Variants in LRBA observed in about 807,000 individuals in gnomAD.
LRBA encodes the protein lipopolysaccharide-responsive and beige-like anchor protein.
A neutral mutation model predicts 330.0 loss-of-function variants in LRBA; 176 were observed. The ratio of observed to expected loss-of-function variants is 0.53; its 90% CI spans 0.47 to 0.60. The LOEUF (loss-of-function observed/expected upper bound fraction) is 0.60, where lower values mean the gene tolerates loss of function less well. Among genes scored for constraint, LRBA ranks in the 20% least tolerant of loss-of-function variants. LRBA has a pLI of 0.00. For missense variants in LRBA, 3,259 were observed against 3,444.8 expected (o/e 0.95, Z 1.35); for synonymous variants, 1,230 against 1,193.0 (o/e 1.03, Z -0.64).
intron 2 of LRBA, among the ~76,000 whole-genome samples, chr4:150,972,969 T>C (rs1739737845): frequency 6.6e-6 from 1 of 152,094 alleles, no homozygotes; most frequent in Non-Finnish European, 1.5e-5. Context: ...GAACAAAAAT[T>C]GTCCTTTAAA....
chr4:150,915,713 G>C lies in LRBA; in HGVS notation c.909C>G (p.Thr303=), dbSNP rs780132940. Residue 303 remains threonine, a synonymous_variant, in exon 8 of 57, where the codon ACC becomes ACG. Coordinates refer to ENST00000651943, the MANE Select transcript of LRBA (RefSeq NM_001364905.1). ...DFKPQKWYMV[T]IVHIYNRWKN... The stretch of plus-strand genomic sequence containing the variant: ...TCCATCGGTTATAGATGTGTACTAT[G>C]GTAACCATATACCACTGCAGAAGCA... 2 of 1,607,308 alleles carry C rather than the reference G, an allele frequency of 1.2e-6. No homozygotes were observed. The highest frequency in any genetic ancestry group is 2.7e-5 in the African/African-American group (2 of 74,568).
At chr4:150,828,717 G>T in intron 29 of LRBA, 96 bp from the exon 30 acceptor site, 2 of 1,078,796 alleles carry the variant, frequency 1.9e-6, no homozygotes, top group South Asian at 1.5e-5. Flanking sequence ...CTACTGTTTT[G>T]AATTATGAAA....
chr4:150,653,729 C>T (rs1013926498), intron 37 of LRBA, among the ~76,000 whole-genome samples: 1 of 152,148 alleles, frequency 6.6e-6, no homozygotes, highest in Non-Finnish European at 1.5e-5. Flanking sequence ...TTTCGCTTCT[C>T]GATTTTTAAT....
chr4:150,750,471 C>T (rs1733377536), intron 35 of LRBA, among the ~76,000 whole-genome samples: 1 of 152,092 alleles, frequency 6.6e-6, no homozygotes, highest in African/African-American at 2.4e-5. Context: ...CTATAAAGAC[C>T]TTTACTTTAT....
intron 33 of LRBA, among the ~76,000 whole-genome samples, chr4:150,800,786 T>G (rs573156779): frequency 2.6e-5 from 4 of 152,262 alleles, no homozygotes; most frequent in South Asian, 4.1e-4. Flanking sequence ...AATAATAGGG[T>G]TTGGTTTGAT....
At chr4:150,730,120 G>T (rs1730239016) in intron 36 of LRBA, among the ~76,000 whole-genome samples, 1 of 152,146 alleles carries the variant, frequency 6.6e-6, no homozygotes, top group Non-Finnish European at 1.5e-5. Flanking sequence ...ATAGTCACAA[G>T]CAACCAAAGC....
chr4:150,999,482 T>C (rs1549511), intron 2 of LRBA, among the ~76,000 whole-genome samples: 149,146 of 151,790 alleles, frequency 0.98, 73,331 homozygotes, highest in East Asian at 1. Context: ...AGGCTGGTCT[T>C]GAACTCCTGG....
intron 40 of LRBA, among the ~76,000 whole-genome samples, chr4:150,526,475 T>C (rs1022123296): frequency 1.3e-5 from 2 of 152,132 alleles, no homozygotes; most frequent in African/African-American, 2.4e-5. Context: ...ACAGAAAAAT[T>C]TGATAAGGGG....
chr4:150,408,145 C>A (rs952508085), intron 47 of LRBA, among the ~76,000 whole-genome samples: 2 of 150,946 alleles, frequency 1.3e-5, no homozygotes, highest in Non-Finnish European at 3.0e-5. Context: ...ATTGACAAAC[C>A]CTTTTAGCAA....
intron 16 of LRBA, 64 bp downstream of exon 16, chr4:150,896,330 C>T: frequency 1.2e-6 from 1 of 834,174 alleles, no homozygotes. Context: ...TAAATTTTTA[C>T]TTTTAAAAAA....
At position 150,310,369 on chromosome 4, in the gene LRBA, A is replaced by G. The variant is rs1560995624; in HGVS notation, c.7709T>C (p.Met2570Thr). The change falls in exon 52 of 57, where the codon ATG becomes ACG. Residue 2570 changes from methionine (M) to threonine (T), a missense_variant. Met to Thr is a moderately conservative substitution (Grantham distance 81). Transcript: ENST00000651943. The stretch of plus-strand genomic sequence containing the variant: ...AAGGTCAGTGATTTGCCTCCTGTGC[A>G]TTCCTGTATTGCTGGCTGTAAGAAT... The part of the protein sequence containing the change: ...IDPLIASNTG[M>T]HRRQITDLLD... 6.2e-7 allele frequency: 1 copy of G among 1,613,174 alleles called. No homozygotes were observed.
At chr4:150,592,260 A>C (rs1227755920) in intron 38 of LRBA, among the ~76,000 whole-genome samples, 3 of 148,680 alleles carry the variant, frequency 2.0e-5, no homozygotes, top group African/African-American at 7.4e-5. Context: ...ATATATATAT[A>C]TCTATATAAT....
intron 37 of LRBA, among the ~76,000 whole-genome samples, chr4:150,628,020 T>C (rs953841835): frequency 6.6e-6 from 1 of 152,164 alleles, no homozygotes; most frequent in Non-Finnish European, 1.5e-5. Context: ...TTTCGCCATG[T>C]TAAGCTTTTA....
intron 48 of LRBA, among the ~76,000 whole-genome samples, chr4:150,342,474 A>G (rs1309266262): frequency 6.6e-6 from 1 of 152,166 alleles, no homozygotes; most frequent in Non-Finnish European, 1.5e-5. Context: ...TTTGTCCGAA[A>G]AAGAATTCTT....
chr4:150,277,107 A>C (rs1479331100), intron 56 of LRBA, among the ~76,000 whole-genome samples: 1 of 152,258 alleles, frequency 6.6e-6, no homozygotes, highest in Non-Finnish European at 1.5e-5. Flanking sequence ...CAAAAGAATG[A>C]GTTCATGTCC....
chr4:150,684,843 G>T (rs1783391697), intron 36 of LRBA, among the ~76,000 whole-genome samples: 1 of 152,040 alleles, frequency 6.6e-6, no homozygotes, highest in Admixed American at 6.5e-5. Flanking sequence ...GTGGATGCTT[G>T]CCTCTCCTAC....
At chr4:150,987,086 G>A (rs1285185306) in intron 2 of LRBA, among the ~76,000 whole-genome samples, 1 of 152,186 alleles carries the variant, frequency 6.6e-6, no homozygotes, top group Non-Finnish European at 1.5e-5. Context: ...AAGTTTTCAT[G>A]TCTTCAGATT....
At chr4:150,861,491 T>C (rs1301663592) in intron 22 of LRBA, among the ~76,000 whole-genome samples, 1 of 152,122 alleles carries the variant, frequency 6.6e-6, no homozygotes, top group East Asian at 1.9e-4. Context: ...AGAAAAGGTA[T>C]AGTAAAAATC....
Position 150,582,897 on chromosome 4 carries a change from G to A in LRBA, c.6330+5151C>T, listed in dbSNP as rs549286219. ...CAGCCGGTCAGCCCAGGTGGAAAACGAGAGTGAAAGTAGGGCTTAACGGGG... is the reference window on the plus strand; with the variant it reads ...CAGCCGGTCAGCCCAGGTGGAAAACAAGAGTGAAAGTAGGGCTTAACGGGG... On this transcript the variant is annotated intron_variant, in intron 40 of 56. Transcript: ENST00000651943. 4.5e-5 allele frequency: 50 copies of A among 1,103,328 alleles called. No homozygotes were observed. The African/African-American group carries it at 6.3e-4, about 14-fold the overall frequency. 68.3% of individuals were successfully genotyped at this position (1,103,328 alleles called of 1,614,324 possible).
Sources: gnomAD v4.1 joint callset for allele counts (sites outside exome capture counted in the v4.1 genomes callset) on GRCh38, gnomAD v4.1.1 for gene constraint, MANE v1.5 for transcripts, NCBI Gene and HGNC (gene_info 2026-07-23, HGNC 2026-07-21) for gene names.